VPS13B: variants seen among roughly 807,000 people sequenced by gnomAD.
VPS13B encodes vacuolar protein sorting 13 homolog B, also known as intermembrane lipid transfer protein VPS13B.
VPS13B carries 285 observed loss-of-function variants against 426.4 expected under a neutral mutation model. The observed-to-expected ratio is 0.67, with a 90% confidence interval of 0.61 to 0.74. The LOEUF (loss-of-function observed/expected upper bound fraction) is 0.74. Ranked by LOEUF, VPS13B falls within the 30% of genes least tolerant of loss-of-function variation. VPS13B has a pLI of 0.00. For synonymous variants in VPS13B, 1,676 were observed against 1,676.4 expected, an observed-to-expected ratio of 1.00 and a Z score of 0.01; for missense variants, 4,537 against 4,782.6, an observed-to-expected ratio of 0.95 and a Z score of 1.51.
chr8:99,184,525 A>G (rs988608814), intron 16 of VPS13B, among the ~76,000 whole-genome samples: 2 of 152,126 alleles, frequency 1.3e-5, no homozygotes, highest in Non-Finnish European at 2.9e-5. Context: ...TTACACTTTT[A>G]TTTTAGTGGT....
rs567236417 is a variant in VPS13B, at chr8:99,610,338, C to T, written c.5221-31473C>T. ...CACAATAGCAAAGACTTGGAACCAACCCAAATGCCCATCAATGATAGACCT... is the reference window on the plus strand; with the variant it reads ...CACAATAGCAAAGACTTGGAACCAATCCAAATGCCCATCAATGATAGACCT... On this transcript the variant is annotated intron_variant, in intron 33 of 61. Transcript: ENST00000357162. 1.3e-3 allele frequency among the ~76,000 whole-genome samples: 203 copies of T among 152,258 alleles called. 1 individual carries two copies. Among genetic ancestry groups the T allele is most frequent in the African/African-American group, 4.7e-3 (194 of 41,552 alleles).
intron 39 of VPS13B, among the ~76,000 whole-genome samples, chr8:99,760,983 T>G (rs766747711): frequency 9.2e-5 from 14 of 152,218 alleles, no homozygotes; most frequent in African/African-American, 1.2e-4. Flanking sequence ...TCCATAGATT[T>G]TGGTATCTGT....
chr8:99,667,132 G>A (rs1039139431), intron 35 of VPS13B, among the ~76,000 whole-genome samples: 113 of 152,270 alleles, frequency 7.4e-4, no homozygotes, highest in African/African-American at 2.6e-3. Flanking sequence ...AAGCTTCCCT[G>A]GGGAGTTTGT....
At chr8:99,094,763 A>G (rs560053667) in intron 3 of VPS13B, among the ~76,000 whole-genome samples, 1 of 152,290 alleles carries the variant, frequency 6.6e-6, no homozygotes, top group East Asian at 1.9e-4. Context: ...TTATTCTTTT[A>G]TATGCTCTTG....
intron 39 of VPS13B, among the ~76,000 whole-genome samples, chr8:99,744,801 C>A (rs1349819701): frequency 1.3e-5 from 2 of 150,172 alleles, no homozygotes; most frequent in East Asian, 3.9e-4. Context: ...AGGGGAACAT[C>A]ACACACCGGG....
At position 99,494,097 on chromosome 8, in the gene VPS13B, C is replaced by A. The variant is rs560565372; in HGVS notation, c.3871-7590C>A. ...TAATGTGTTTTTGTTACTGTACAAT[C>A]ATGATTTTATATTACTATAAGTTTT... is the stretch of plus-strand genomic sequence containing the variant. On this transcript the variant is annotated intron_variant, in intron 25 of 61. Transcript: ENST00000357162. Among the ~76,000 whole-genome samples, 5 of 152,164 alleles carry A rather than the reference C, an allele frequency of 3.3e-5. 1 individual carries two copies. Among genetic ancestry groups the A allele is most frequent in the African/African-American group, 1.2e-4 (5 of 41,526 alleles).
intron 19 of VPS13B, among the ~76,000 whole-genome samples, chr8:99,275,480 G>A (rs1269023706): frequency 2.0e-5 from 3 of 151,964 alleles, no homozygotes; most frequent in Non-Finnish European, 4.4e-5. Flanking sequence ...GAATTTAGCT[G>A]TGTGTATAGT....
intron 25 of VPS13B, among the ~76,000 whole-genome samples, chr8:99,492,481 C>A (rs188198709): frequency 6.6e-6 from 1 of 152,306 alleles, no homozygotes; most frequent in African/African-American, 2.4e-5. Flanking sequence ...GAGGTGGAGT[C>A]TAGAGAGGCA....
At chr8:99,391,857 A>G (rs1213710709) in intron 21 of VPS13B, among the ~76,000 whole-genome samples, 153 bp downstream of exon 21, 1 of 152,342 alleles carries the variant, frequency 6.6e-6, no homozygotes, top group East Asian at 1.9e-4. Flanking sequence ...CAATAATCAC[A>G]GTATTAGCAT....
chr8:99,757,160 G>A (rs1418411079), intron 39 of VPS13B, among the ~76,000 whole-genome samples: 1 of 152,130 alleles, frequency 6.6e-6, no homozygotes, highest in Non-Finnish European at 1.5e-5. Context: ...TACCCAATTT[G>A]GCACCCTGGG....
intron 22 of VPS13B, 143 bp downstream of exon 22, chr8:99,431,807 G>C: frequency 2.3e-6 from 2 of 873,048 alleles, no homozygotes; most frequent in Non-Finnish European, 3.4e-6. Flanking sequence ...AAAATAATTG[G>C]TGTACTTCAC....
At chr8:99,824,024 A>G in intron 51 of VPS13B, 46 bp downstream of exon 51, 2 of 1,597,468 alleles carry the variant, frequency 1.3e-6, no homozygotes, top group Non-Finnish European at 8.5e-7. Flanking sequence ...TGATAAAGAA[A>G]CAATAAATAG....
chr8:99,719,129 G>T (rs1288299117), intron 37 of VPS13B, among the ~76,000 whole-genome samples: 4 of 152,188 alleles, frequency 2.6e-5, no homozygotes, highest in Non-Finnish European at 5.9e-5. Context: ...ACTTTATCAA[G>T]AATATTCATT....
chr8:99,536,888 G>GA (rs1458336499), intron 30 of VPS13B: 5 of 461,512 alleles, frequency 1.1e-5, no homozygotes, highest in African/African-American at 2.0e-5. Context: ...AAAAACTAGG[G>GA]AAAAAAAGTA....
intron 21 of VPS13B, among the ~76,000 whole-genome samples, chr8:99,427,571 A>G (rs1563724336): frequency 6.6e-6 from 1 of 152,124 alleles, no homozygotes; most frequent in African/African-American, 2.4e-5. Context: ...TGGGAATCCA[A>G]CTTACAAGGG....
intron 4 of VPS13B, among the ~76,000 whole-genome samples, chr8:99,098,815 T>C (rs922165342): frequency 1.3e-5 from 2 of 152,148 alleles, no homozygotes; most frequent in Non-Finnish European, 1.5e-5. Context: ...TATCATACAT[T>C]TTATTGCTAA....
chr8:99,642,248 A>G lies in VPS13B; in HGVS notation c.5658A>G (p.Lys1886=), dbSNP rs1338773440. ...GCAGCATTTCTTTTCCTTCAGGGAA[A>G]AAAATAGGGGTCCTCTCTCTTGAAA... ...LRSSISFPSG[K]KIGVLSLESL... is the part of the protein sequence containing the mutation. The change falls in exon 34 of 62, where the codon AAA becomes AAG. Residue 1886 remains lysine (K), a synonymous_variant. Coordinates refer to ENST00000357162, the MANE Select transcript of VPS13B (RefSeq NM_152564.5). 2 of 1,614,196 alleles carry G rather than the reference A, an allele frequency of 1.2e-6. No homozygotes were observed. Among genetic ancestry groups the G allele is most frequent in the Admixed American group, 3.3e-5 (2 of 60,010 alleles).
At chr8:99,629,041 G>A (rs1828731400) in intron 33 of VPS13B, among the ~76,000 whole-genome samples, 1 of 152,086 alleles carries the variant, frequency 6.6e-6, no homozygotes, top group South Asian at 2.1e-4. Flanking sequence ...TGGTATTATA[G>A]GCATGAGCCA....
chr8:99,559,148 C>A (rs1026818983), intron 31 of VPS13B, among the ~76,000 whole-genome samples: 1 of 152,222 alleles, frequency 6.6e-6, no homozygotes, highest in African/African-American at 2.4e-5. Flanking sequence ...ATTTGCATTT[C>A]TCTGATGGCC....
Sources: gnomAD v4.1 joint callset for allele counts (sites outside exome capture counted in the v4.1 genomes callset) on GRCh38, gnomAD v4.1.1 for gene constraint, MANE v1.5 for transcripts, NCBI Gene and HGNC (gene_info 2026-07-23, HGNC 2026-07-21) for gene names.